Variants in ST14 observed in about 807,000 individuals in gnomAD.
The protein encoded by ST14 is ST14 transmembrane serine protease matriptase.
ST14 carries 40 observed loss-of-function variants against 96.5 expected under a neutral mutation model. The ratio of observed to expected loss-of-function variants is 0.41; its 90% CI spans 0.32 to 0.54. ST14 has a LOEUF of 0.54. ST14 is among the 20% of genes least tolerant of loss of function. The pLI is 0.17. For synonymous variants in ST14, 506 were observed against 492.1 expected (o/e 1.03, Z -0.37); for missense variants, 1,066 against 1,188.9 (o/e 0.90, Z 1.52).
chr11:130,198,292 C>T lies in ST14; in HGVS notation c.1460-16C>T. ...GATGAGGGCCTCACGGCCGACCTCC[C>T]CTTACCCCACTCCAGGTTGCGACGC... On this transcript the variant is annotated splice_polypyrimidine_tract_variant and intron_variant, in intron 12 of 18. Coordinates refer to ENST00000278742, the MANE Select transcript of ST14 (RefSeq NM_021978.4). 6.2e-7 allele frequency: 1 copy of T among 1,613,200 alleles called. No individual in the cohort carries two copies. Among genetic ancestry groups the T allele is most frequent in the Non-Finnish European group, 8.5e-7 (1 of 1,179,184 alleles).
chr11:130,184,870 C>T (rs1000443171), intron 1 of ST14, among the ~76,000 whole-genome samples: 4 of 152,134 alleles, frequency 2.6e-5, no homozygotes, highest in African/African-American at 4.8e-5. Context: ...ATCACTCCAG[C>T]CAGGAGATTA....
intron 1 of ST14, 52 bp downstream of exon 1, chr11:130,160,112 C>G: frequency 7.9e-7 from 1 of 1,265,736 alleles, no homozygotes; most frequent in African/African-American, 1.6e-5. Flanking sequence ...CCCGCCCGAC[C>G]CTGCAGCGCG....
At chr11:130,169,977 C>T (rs1279757204) in intron 1 of ST14, among the ~76,000 whole-genome samples, 1 of 152,158 alleles carries the variant, frequency 6.6e-6, no homozygotes, top group Non-Finnish European at 1.5e-5. Context: ...GGTGGGGCAG[C>T]TGGGCCGGGA....
In ST14 at chr11:130,190,706, G is replaced by A. The variant is rs190897420; in HGVS notation, c.875+12G>A. 4.0e-4 allele frequency: 627 copies of A among 1,560,756 alleles called. 2 individuals are homozygous for A. The African/African-American group carries it at 6.9e-3, about 17-fold the overall frequency. ...CACGCCCTGGTGCAGTGAGTACCCC[G>A]GGGGGCGGGTAGGGCTGTGGGAGCT... On this transcript the variant is annotated intron_variant, in intron 7 of 18. Coordinates refer to ENST00000278742, the MANE Select transcript of ST14 (RefSeq NM_021978.4).
chr11:130,167,218 A>AT lies in ST14; in HGVS notation c.81+7166dup, dbSNP rs916025717. On this transcript the variant is annotated intron_variant, in intron 1 of 18. Transcript: ENST00000278742. ...AGAGCGAGACTCTGTCTCAAAAAAA[A>AT]TTTTTTTTAATAAAAATGACACAAA... 5.6e-4 allele frequency among the ~76,000 whole-genome samples: 85 copies of AT among 152,266 alleles called. 1 individual carries two copies. Among genetic ancestry groups the AT allele is most frequent in the African/African-American group, 1.9e-3 (79 of 41,560 alleles).
In ST14 at chr11:130,198,846, G is replaced by A. The variant is rs914148396; in HGVS notation, c.1685-101G>A. The stretch of plus-strand genomic sequence containing the variant: ...GTGGGTGGGGCAGGCCTGGGTGAGG[G>A]GGTAATGTGCAGGGGCCATGAGGCG... On this transcript the variant is annotated intron_variant, in intron 14 of 18. Transcript: ENST00000278742. 1.3e-5 allele frequency: 21 copies of A among 1,606,042 alleles called. No individual in the cohort carries two copies. In the Admixed American group the frequency reaches 1.7e-4, roughly 13 times the overall value.
Position 130,188,860 on chromosome 11 carries a change from C to G in ST14, c.370-9C>G. On this transcript the variant is annotated splice_polypyrimidine_tract_variant and intron_variant, in intron 3 of 18. Transcript: ENST00000278742. This position sits in a 1 kb window ranked among gnomAD's most constrained non-coding sequence, Gnocchi z 5.4. ...ATGGGGCTCACCTTGAGTCTCTGCCCTTCCTCAGCTGAAGCTGCTGTACAG... is the reference window on the plus strand; with the variant it reads ...ATGGGGCTCACCTTGAGTCTCTGCCGTTCCTCAGCTGAAGCTGCTGTACAG... 1 of 1,612,470 alleles carries G rather than the reference C, an allele frequency of 6.2e-7. No individual in the cohort carries two copies. Among genetic ancestry groups the G allele is most frequent in the Non-Finnish European group, 8.5e-7 (1 of 1,179,442 alleles).
At chr11:130,209,113 G>A (rs973136683) in intron 17 of ST14, among the ~76,000 whole-genome samples, 5 of 152,132 alleles carry the variant, frequency 3.3e-5, no homozygotes, top group African/African-American at 1.2e-4. Flanking sequence ...GAAAGAAAAC[G>A]AACAGGACTT....
At chr11:130,189,922 G>T (rs181877420) in intron 5 of ST14, 26 bp downstream of exon 5, 1 of 1,613,436 alleles carries the variant, frequency 6.2e-7, no homozygotes, top group African/African-American at 1.3e-5. Context: ...AGGGGTGGGC[G>T]TGGGACTGGC....
At chr11:130,209,292 C>A in intron 17 of ST14, 150 bp from the exon 18 acceptor site, 1 of 1,043,368 alleles carries the variant, frequency 9.6e-7, no homozygotes, top group Non-Finnish European at 1.4e-6. Flanking sequence ...ATTGCCAGAG[C>A]CCACTGAGTA....
intron 15 of ST14, among the ~76,000 whole-genome samples, chr11:130,199,506 A>G (rs1046296177): frequency 3.9e-5 from 6 of 152,204 alleles, no homozygotes; most frequent in Non-Finnish European, 5.9e-5. Flanking sequence ...GCACAGCTCC[A>G]GCGTTCTGTG....
Position 130,175,813 on chromosome 11 carries a change from G to A in ST14, c.82-12301G>A, listed in dbSNP as rs551596032. ...CGAGTAGCTGGGACTACAGGCGTGT[G>A]CCACCACATCCAGCTAATTTTGTAT... On this transcript the variant is annotated intron_variant, in intron 1 of 18. Coordinates refer to ENST00000278742, the MANE Select transcript of ST14 (RefSeq NM_021978.4). 3.8e-3 allele frequency among the ~76,000 whole-genome samples: 575 copies of A among 152,134 alleles called. 1 individual carries two copies. The highest frequency in any genetic ancestry group is 6.0e-3 in the Admixed American group (92 of 15,274).
At chr11:130,194,591 G>A (rs776038181) in intron 8 of ST14, 49 bp from the exon 9 acceptor site, 28 of 1,595,740 alleles carry the variant, frequency 1.8e-5, no homozygotes, top group South Asian at 2.2e-5. Context: ...CCGCCTGCTC[G>A]GCCGGGCAGG....
intron 16 of ST14, among the ~76,000 whole-genome samples, chr11:130,207,802 G>A (rs905753801): frequency 6.6e-6 from 1 of 152,252 alleles, no homozygotes; most frequent in Admixed American, 6.5e-5. Flanking sequence ...GCTGGGCGTG[G>A]TGGCTCACGC....
chr11:130,190,832 C>G (rs1483256387), intron 7 of ST14, 138 bp downstream of exon 7: 3 of 1,174,836 alleles, frequency 2.6e-6, no homozygotes, highest in Non-Finnish European at 2.3e-6. Context: ...GCAGGAGGCA[C>G]GTGTGGTGTG....
chr11:130,175,528 T>C (rs1002091265), intron 1 of ST14, among the ~76,000 whole-genome samples: 3 of 151,708 alleles, frequency 2.0e-5, no homozygotes, highest in African/African-American at 7.3e-5. Flanking sequence ...TACAGGCATG[T>C]GCCACCATGC....
Position 130,188,910 on chromosome 11 carries a change from C to T in ST14, c.411C>T (p.Tyr137=), listed in dbSNP as rs1411894117. 2.5e-6 allele frequency: 4 copies of T among 1,612,554 alleles called. No homozygotes were observed. Among genetic ancestry groups the T allele is most frequent in the South Asian group, 1.1e-5 (1 of 90,528 alleles). The part of the protein sequence containing the change: ...LYSGVPFLGP[Y]HKESAVTAFS... ...GCGGAGTCCCATTCCTGGGCCCCTACCACAAGGAGTCGGCTGTGACGGCCT... is the reference window on the plus strand; with the variant it reads ...GCGGAGTCCCATTCCTGGGCCCCTATCACAAGGAGTCGGCTGTGACGGCCT... The change falls in exon 4 of 19, where the codon TAC becomes TAT. Residue 137 remains tyrosine, a synonymous_variant. Coordinates refer to ENST00000278742, the MANE Select transcript of ST14 (RefSeq NM_021978.4). This position sits in a 1 kb window ranked among gnomAD's most constrained non-coding sequence, Gnocchi z 5.4.
rs779320307 is a variant in ST14, at chr11:130,197,911, C to T, written c.1425C>T (p.Ala475=). Residue 475 remains alanine (A), a synonymous_variant, in exon 12 of 19, where the codon GCC becomes GCT. Transcript: ENST00000278742. ...IRKELRCDGW[A]DCTDHSDELN... is the part of the protein sequence containing the mutation. Reference sequence around the variant, plus strand: ...AGGAGCTGCGCTGTGATGGCTGGGCCGACTGCACCGACCACAGCGATGAGC... The same window carrying T: ...AGGAGCTGCGCTGTGATGGCTGGGCTGACTGCACCGACCACAGCGATGAGC... The T allele has an allele frequency of 5.6e-6, 9 of 1,595,130 alleles. No individual in the cohort carries two copies. Among genetic ancestry groups the T allele is most frequent in the African/African-American group, 5.4e-5 (4 of 74,650 alleles).
At position 130,204,187 on chromosome 11, in the gene ST14, C is replaced by T. The variant is rs780679902; in HGVS notation, c.1994+4050C>T. ...TGAACCTGAAGGCTGGGTCATAGATCGCATCACAGATGCCCAGAGATTGTT... is the reference window on the plus strand; with the variant it reads ...TGAACCTGAAGGCTGGGTCATAGATTGCATCACAGATGCCCAGAGATTGTT... On this transcript the variant is annotated intron_variant, in intron 16 of 18. Transcript: ENST00000278742. Among the ~76,000 whole-genome samples, 27 of 152,274 alleles carry T rather than the reference C, an allele frequency of 1.8e-4. No individual in the cohort carries two copies. The East Asian group carries it at 4.6e-3, about 26-fold the overall frequency.
Sources: allele counts gnomAD v4.1 joint callset (sites outside exome capture counted in the v4.1 genomes callset), GRCh38; gene constraint gnomAD v4.1.1; non-coding constraint Gnocchi (gnomAD v3.1); transcripts MANE v1.5; gene names NCBI Gene and HGNC (gene_info 2026-07-23, HGNC 2026-07-21).